Variants in CXCL13 observed in about 807,000 individuals in gnomAD.
CXCL13 encodes the protein C-X-C motif chemokine ligand 13.
A neutral mutation model predicts 12.2 loss-of-function variants in CXCL13; 7 were observed. That is an observed-to-expected ratio of 0.57 (90% CI 0.33 to 1.07). CXCL13 has a LOEUF of 1.07. Among genes scored for constraint, CXCL13 ranks in the 50% least tolerant of loss-of-function variants. The probability of loss-of-function intolerance (pLI) is 0.04; values close to 1 mark genes in which losing one functional copy is unlikely to be tolerated. For missense variants in CXCL13, 113 were observed against 127.4 expected (o/e 0.89, Z 0.55); for synonymous variants, 47 against 42.4 (o/e 1.11, Z -0.42).
chr4:77,574,489 G>T (rs1412349859), intron 1 of CXCL13, among the ~76,000 whole-genome samples: 1 of 151,944 alleles, frequency 6.6e-6, no homozygotes, highest in African/African-American at 2.4e-5. Context: ...GCCTTGGTGT[G>T]TAATAGCTAG....
intron 1 of CXCL13, among the ~76,000 whole-genome samples, chr4:77,538,311 G>T (rs1444523595): frequency 8.0e-5 from 12 of 149,636 alleles, no homozygotes; most frequent in South Asian, 4.3e-4. Flanking sequence ...AAGAGTTGTG[G>T]TTTTTTTTTG....
intron 1 of CXCL13, among the ~76,000 whole-genome samples, chr4:77,572,305 G>A (rs1313184130): frequency 1.3e-5 from 2 of 151,900 alleles, no homozygotes; most frequent in Non-Finnish European, 2.9e-5. Context: ...GGAAGCTGAG[G>A]CATGAGAAGC....
rs573654932 is a variant in CXCL13 at position 77,517,355 on chromosome 4, G to A, written c.-43+5567G>A. On this transcript the variant is annotated intron_variant, in intron 1 of 4. Coordinates refer to the CXCL13 transcript ENST00000286758. ...GTGCAGAGCTGAGTTCAATTCCTGG[G>A]TATCCTTGTTGACTTTCTGTCTCAT... 6.3e-4 allele frequency among the ~76,000 whole-genome samples: 96 copies of A among 152,194 alleles called. 1 individual carries two copies. The highest frequency in any genetic ancestry group is 2.2e-3 in the African/African-American group (93 of 41,526).
chr4:77,576,356 T>G (rs1189316398), intron 1 of CXCL13, among the ~76,000 whole-genome samples: 1 of 152,208 alleles, frequency 6.6e-6, no homozygotes, highest in Admixed American at 6.5e-5. Flanking sequence ...TAAGTTATAC[T>G]CCTGTGACCA....
intron 1 of CXCL13, among the ~76,000 whole-genome samples, chr4:77,531,723 G>A (rs1244194971): frequency 6.6e-6 from 1 of 151,994 alleles, no homozygotes; most frequent in Non-Finnish European, 1.5e-5. Flanking sequence ...TGTGAATCTG[G>A]GTGCTCCTGT....
At chr4:77,526,434 C>T (rs774883840) in intron 1 of CXCL13, among the ~76,000 whole-genome samples, 6 of 151,892 alleles carry the variant, frequency 4.0e-5, no homozygotes, top group Non-Finnish European at 8.8e-5. Context: ...TGATGTATGT[C>T]TTAGTTTAAT....
intron 1 of CXCL13, among the ~76,000 whole-genome samples, chr4:77,564,206 C>T (rs773458279): frequency 2.6e-5 from 4 of 152,200 alleles, no homozygotes; most frequent in Non-Finnish European, 4.4e-5. Context: ...AGCAAAGTAG[C>T]TTTCAGGAAA....
chr4:77,603,159 T>C (rs1726928955), upstream of CXCL13, among the ~76,000 whole-genome samples: 1 of 152,214 alleles, frequency 6.6e-6, no homozygotes, highest in African/African-American at 2.4e-5. Context: ...TCAGTATCAC[T>C]CATTTTTTTG....
At chr4:77,574,317 C>A (rs969897716) in intron 1 of CXCL13, among the ~76,000 whole-genome samples, 3 of 151,758 alleles carry the variant, frequency 2.0e-5, no homozygotes, top group Admixed American at 6.6e-5. Flanking sequence ...TGCCACAGAC[C>A]CCATTTTGGG....
At chr4:77,517,156 A>C (rs1363630308) in intron 1 of CXCL13, among the ~76,000 whole-genome samples, 1 of 152,038 alleles carries the variant, frequency 6.6e-6, no homozygotes, top group Non-Finnish European at 1.5e-5. Flanking sequence ...GTTTGATTGC[A>C]CTGTGGTCTG....
chr4:77,566,723 G>T (rs563052124), intron 1 of CXCL13, among the ~76,000 whole-genome samples: 3 of 152,062 alleles, frequency 2.0e-5, no homozygotes, highest in South Asian at 4.2e-4. Context: ...GCATTTCCTT[G>T]GCCCTTTTAA....
intron 1 of CXCL13, among the ~76,000 whole-genome samples, chr4:77,512,111 G>A (rs1265296775): frequency 1.3e-5 from 2 of 152,098 alleles, no homozygotes; most frequent in South Asian, 4.1e-4. Context: ...AAGCTCATTC[G>A]ACTTAAACTG....
At chr4:77,564,910 G>T (rs534379461) in intron 1 of CXCL13, among the ~76,000 whole-genome samples, 1 of 152,324 alleles carries the variant, frequency 6.6e-6, no homozygotes, top group East Asian at 1.9e-4. Flanking sequence ...GTAGGGGTTA[G>T]GGTGGGGGCA....
chr4:77,546,115 A>G (rs1181297863), intron 1 of CXCL13, among the ~76,000 whole-genome samples: 1 of 152,148 alleles, frequency 6.6e-6, no homozygotes, highest in Non-Finnish European at 1.5e-5. Flanking sequence ...ATCGTGTTGG[A>G]TAGGCTTTTT....
chr4:77,569,037 T>G (rs756678917), intron 1 of CXCL13, among the ~76,000 whole-genome samples: 3 of 152,206 alleles, frequency 2.0e-5, no homozygotes, highest in Non-Finnish European at 4.4e-5. Context: ...CCAAAGGACT[T>G]GTCACTAAGG....
upstream of CXCL13, among the ~76,000 whole-genome samples, chr4:77,603,708 T>C (rs1031023654): frequency 6.6e-5 from 10 of 152,076 alleles, no homozygotes; most frequent in Non-Finnish European, 1.3e-4. Flanking sequence ...ATGGGGGTGG[T>C]GGATGGATTG....
intron 1 of CXCL13, among the ~76,000 whole-genome samples, chr4:77,574,868 C>A: frequency 6.6e-6 from 1 of 151,784 alleles, no homozygotes; most frequent in Non-Finnish European, 1.5e-5. Context: ...GCTGTGGTAC[C>A]CTTTAAGTTC....
chr4:77,531,700 T>G (rs1724923007), intron 1 of CXCL13, among the ~76,000 whole-genome samples: 1 of 152,170 alleles, frequency 6.6e-6, no homozygotes, highest in Non-Finnish European at 1.5e-5. Flanking sequence ...TCTAGGTCTC[T>G]AAGGACTTGC....
intron 1 of CXCL13, among the ~76,000 whole-genome samples, chr4:77,540,847 A>G (rs1261580261): frequency 2.0e-5 from 3 of 152,210 alleles, no homozygotes; most frequent in Non-Finnish European, 4.4e-5. Flanking sequence ...TGCTTTCCAC[A>G]GAGGCTGCAC....
Sources: allele counts gnomAD v4.1 joint callset (sites outside exome capture counted in the v4.1 genomes callset), GRCh38; gene constraint gnomAD v4.1.1; transcripts MANE v1.5; gene names NCBI Gene and HGNC (gene_info 2026-07-23, HGNC 2026-07-21).